Variants in TTC32 observed in about 807,000 individuals in gnomAD.
TTC32 encodes the protein tetratricopeptide repeat domain 32, also known as tetratricopeptide repeat protein 32.
TTC32 carries 16 observed loss-of-function variants against 15.3 expected under a neutral mutation model. That is an observed-to-expected ratio of 1.05 (90% CI 0.71 to 1.59). The LOEUF (loss-of-function observed/expected upper bound fraction) is 1.59, where lower values mean the gene tolerates loss of function less well. Among genes scored for constraint, TTC32 ranks in the 40% most tolerant of loss-of-function variants. The pLI is 0.00. For missense variants in TTC32, 188 were observed against 181.9 expected (o/e 1.03, Z -0.19); for synonymous variants, 89 against 67.8 (o/e 1.31, Z -1.53).
chr2:19,897,201 G>T, intron 2 of TTC32, 75 bp from the exon 3 acceptor site: 3 of 1,451,264 alleles, frequency 2.1e-6, no homozygotes, highest in Non-Finnish European at 2.8e-6. Context: ...GAAAAGCTTT[G>T]ATACATGTAC....
rs530978743 is a variant in TTC32 at position 19,897,199 on chromosome 2, T to C, written c.317-73A>G. On this transcript the variant is annotated intron_variant, in intron 2 of 2. Coordinates refer to ENST00000333610, the MANE Select transcript of TTC32 (RefSeq NM_001008237.3). ...TCTATATATTATTCATGGAAAAGCT[T>C]TGATACATGTACTTTTGCTTTTATA... 5 of 1,458,346 alleles carry C rather than the reference T, an allele frequency of 3.4e-6. No homozygotes were observed. The East Asian group carries it at 9.7e-5, about 28-fold the overall frequency. 90.3% of individuals were successfully genotyped at this position (1,458,346 alleles called of 1,614,324 possible).
In TTC32 at chr2:19,897,958, T is replaced by G; in HGVS notation, c.227A>C (p.Glu76Ala). Residue 76 changes from glutamate (E) to alanine (A), a missense_variant, in exon 2 of 3, where the codon GAA (glutamate) becomes GCA (alanine). Transcript: ENST00000333610. ...QIKYFRVDFY[E>A]AMDDYTSAIE... ...GGCAGATGTGTAGTCATCCATGGCTTCATAAAAATCAACCCTGAAGTACTT... is the reference window on the plus strand; with the variant it reads ...GGCAGATGTGTAGTCATCCATGGCTGCATAAAAATCAACCCTGAAGTACTT... 2 of 1,612,428 alleles carry G rather than the reference T, an allele frequency of 1.2e-6. No homozygotes were observed. Among genetic ancestry groups the G allele is most frequent in the Middle Eastern group, 3.3e-4 (2 of 6,052 alleles).
chr2:19,896,835 C>A lies in TTC32; in HGVS notation c.*152G>T. 1.8e-6 allele frequency: 1 copy of A among 548,564 alleles called. No individual in the cohort carries two copies. Among genetic ancestry groups the A allele is most frequent in the Non-Finnish European group, 2.8e-6 (1 of 361,938 alleles). The allele number at this position is 548,564 out of a possible 1,614,324, so 34.0% of individuals were successfully genotyped here. A position where few individuals can be genotyped will look rare whatever the true frequency, so the allele number is the denominator to read the frequency against. On this transcript the variant is annotated 3_prime_UTR_variant, in exon 3 of 3. Coordinates refer to ENST00000333610, the MANE Select transcript of TTC32 (RefSeq NM_001008237.3). ...CTTCATTAAAAAAAACCCATTCAACCTGAAATTAACTACCTTAAACACACT... is the reference window on the plus strand; with the variant it reads ...CTTCATTAAAAAAAACCCATTCAACATGAAATTAACTACCTTAAACACACT...
At chr2:19,901,623 C>G (rs1669605605) in intron 1 of TTC32, 83 bp downstream of exon 1, 1 of 1,526,254 alleles carries the variant, frequency 6.6e-7, no homozygotes, top group East Asian at 2.3e-5. Flanking sequence ...ACCGTGAGCT[C>G]CAGAGGCAAA....
Position 19,896,816 on chromosome 2 carries a change from T to TA in TTC32, c.*170dup, listed in dbSNP as rs566103768. On this transcript the variant is annotated 3_prime_UTR_variant, in exon 3 of 3. Coordinates refer to ENST00000333610, the MANE Select transcript of TTC32 (RefSeq NM_001008237.3). ...TACATTGGTATTATTTACACTTCAT[T>TA]AAAAAAAACCCATTCAACCTGAAAT... 263 of 378,204 alleles carry TA rather than the reference T, an allele frequency of 7.0e-4. No homozygotes were observed. Among genetic ancestry groups the TA allele is most frequent in the Non-Finnish European group, 9.1e-4 (201 of 219,832 alleles). The allele number at this position is 378,204 out of a possible 1,614,324, so 23.4% of individuals were successfully genotyped here.
At chr2:19,899,170 C>T (rs890890951) in intron 1 of TTC32, among the ~76,000 whole-genome samples, 12 of 152,140 alleles carry the variant, frequency 7.9e-5, no homozygotes, top group Admixed American at 2.6e-4. Context: ...GAGGAACTGT[C>T]GCAATTTTAG....
intron 1 of TTC32, among the ~76,000 whole-genome samples, chr2:19,900,725 G>T (rs113279194): frequency 6.6e-6 from 1 of 152,178 alleles, no homozygotes; most frequent in Non-Finnish European, 1.5e-5. Context: ...TCAGCGAATC[G>T]TTATGTGCTT....
intron 1 of TTC32, 88 bp downstream of exon 1, chr2:19,901,618 G>A: frequency 2.0e-6 from 3 of 1,507,640 alleles, no homozygotes; most frequent in Non-Finnish European, 2.7e-6. Flanking sequence ...CGCCGACCGT[G>A]AGCTCCAGAG....
intron 1 of TTC32, among the ~76,000 whole-genome samples, chr2:19,900,095 T>C (rs185673890): frequency 1.3e-5 from 2 of 152,356 alleles, no homozygotes; most frequent in East Asian, 3.9e-4. Context: ...TTTCCTGTGC[T>C]GGTAAGGCAT....
intron 1 of TTC32, chr2:19,901,353 C>T (rs549577189): frequency 3.7e-5 from 12 of 325,016 alleles, no homozygotes; most frequent in African/African-American, 2.2e-4. Flanking sequence ...GTGGAAAATT[C>T]CTATCTGTCC....
chr2:19,896,848 C>A lies in TTC32; in HGVS notation c.*139G>T. On this transcript the variant is annotated 3_prime_UTR_variant, in exon 3 of 3. Coordinates refer to ENST00000333610, the MANE Select transcript of TTC32 (RefSeq NM_001008237.3). ...AACCCATTCAACCTGAAATTAACTA[C>A]CTTAAACACACTATTTAACTTTCAG... The A allele has an allele frequency of 1.3e-6, 1 of 755,758 alleles. No individual in the cohort carries two copies. Among genetic ancestry groups the A allele is most frequent in the Non-Finnish European group, 1.9e-6 (1 of 521,276 alleles). 46.8% of individuals were successfully genotyped at this position (755,758 alleles called of 1,614,324 possible). A position where few individuals can be genotyped will look rare whatever the true frequency, so the allele number is the denominator to read the frequency against.
chr2:19,896,730 G>T lies in TTC32; in HGVS notation c.*257C>A. ...ATAAAAAAATCACAAAAATAGTTTT[G>T]CTGAAGAAAATACCACACATTCCTT... On this transcript the variant is annotated 3_prime_UTR_variant, in exon 3 of 3. Coordinates refer to ENST00000333610, the MANE Select transcript of TTC32 (RefSeq NM_001008237.3). The T allele has an allele frequency of 1.2e-5, 2 of 163,386 alleles. No homozygotes were observed. Among genetic ancestry groups the T allele is most frequent in the African/African-American group, 2.4e-5 (1 of 41,800 alleles). 10.1% of individuals were successfully genotyped at this position (163,386 alleles called of 1,614,324 possible).
chr2:19,899,056 A>G (rs1347354120), intron 1 of TTC32, among the ~76,000 whole-genome samples: 3 of 152,356 alleles, frequency 2.0e-5, no homozygotes, highest in East Asian at 1.9e-4. Context: ...ACTTCTCTTA[A>G]TATCTTGATC....
Position 19,897,868 on chromosome 2 carries a change from C to A in TTC32, c.316+1G>T, listed in dbSNP as rs139378007. 4.8e-5 allele frequency: 72 copies of A among 1,504,502 alleles called. No individual in the cohort carries two copies. The highest frequency in any genetic ancestry group is 7.0e-5 in the African/African-American group (5 of 71,428). 93.2% of individuals were successfully genotyped at this position (1,504,502 alleles called of 1,614,324 possible). A position where few individuals can be genotyped will look rare whatever the true frequency, so the allele number is the denominator to read the frequency against. ...AACTCAAAAAGAAAAAAAATTCTTA[C>A]CCAGCCTATACAGTATCAACCCTCT... On this transcript the variant is annotated splice_donor_variant, in intron 2 of 2. Transcript: ENST00000333610. LOFTEE classifies it high-confidence loss of function.
intron 1 of TTC32, chr2:19,898,551 G>C (rs950949654): frequency 5.9e-5 from 9 of 152,208 alleles, no homozygotes; most frequent in African/African-American, 2.2e-4. Context: ...AACATGCTAC[G>C]ATCCCCAGGA....
Position 19,901,726 on chromosome 2 carries a change from G to C in TTC32, c.129C>G (p.Ser43=), listed in dbSNP as rs2304589. 1 of 1,613,222 alleles carries C rather than the reference G, an allele frequency of 6.2e-7. No individual in the cohort carries two copies. Among genetic ancestry groups the C allele is most frequent in the Non-Finnish European group, 8.5e-7 (1 of 1,179,430 alleles). ...AYIRRCACAA[S]SDESPGSKCS... ...GTTACCTCCCGGGACTCTCGTCGCT[G>C]GAGGCCGCGCAAGCGCACCGGCGAA... Residue 43 remains serine, a synonymous_variant, in exon 1 of 3, where the codon TCC becomes TCG. Coordinates refer to ENST00000333610, the MANE Select transcript of TTC32 (RefSeq NM_001008237.3).
Position 19,901,944 on chromosome 2 carries a change from A to G in TTC32, c.-90T>C. 1.3e-6 allele frequency: 2 copies of G among 1,508,286 alleles called. No individual in the cohort carries two copies. Among genetic ancestry groups the G allele is most frequent in the Non-Finnish European group, 1.8e-6 (2 of 1,103,952 alleles). The allele number at this position is 1,508,286 out of a possible 1,614,324, so 93.4% of individuals were successfully genotyped here. Reference sequence around the variant, plus strand: ...CACAAAGCCACTTCCACACCCTGGAATCTACCTTGACAGCCAACCTTGGCG... The same window carrying G: ...CACAAAGCCACTTCCACACCCTGGAGTCTACCTTGACAGCCAACCTTGGCG... On this transcript the variant is annotated 5_prime_UTR_variant, in exon 1 of 3. Transcript: ENST00000333610.
chr2:19,901,841 C>T lies in TTC32; in HGVS notation c.14G>A (p.Arg5Gln), dbSNP rs1264471206. 1.2e-6 allele frequency: 2 copies of T among 1,614,092 alleles called. No individual in the cohort carries two copies. Among genetic ancestry groups the T allele is most frequent in the Admixed American group, 3.3e-5 (2 of 60,028 alleles). ...TGTTAGGGTTGCGTGGCTTTCTTGC[C>T]GCTGTCCTTCCATAGCAGCCAAGGC... MEGQ[R>Q]QESHATLTLA... Residue 5 changes from arginine to glutamine, a missense_variant, in exon 1 of 3, where the codon CGG becomes CAG. Arg to Gln is a conservative substitution (Grantham distance 43, BLOSUM62 1). Coordinates refer to ENST00000333610, the MANE Select transcript of TTC32 (RefSeq NM_001008237.3).
rs763962709 is a variant in TTC32 at position 19,897,997 on chromosome 2, T to C, written c.188A>G (p.Asn63Ser). Residue 63 changes from asparagine to serine, a missense_variant, in exon 2 of 3, where the codon AAC becomes AGC. Coordinates refer to ENST00000333610, the MANE Select transcript of TTC32 (RefSeq NM_001008237.3). ...SPEDLATAYN[N>S]RGQIKYFRVD... Reference sequence around the variant, plus strand: ...CCTGAAGTACTTGATTTGCCCCCTGTTGTTATATGCAGTAGCCAAATCCTC... The same window carrying C: ...CCTGAAGTACTTGATTTGCCCCCTGCTGTTATATGCAGTAGCCAAATCCTC... 9.2e-5 allele frequency: 148 copies of C among 1,606,708 alleles called. 1 individual carries two copies. The highest frequency in any genetic ancestry group is 4.2e-5 in the Non-Finnish European group (49 of 1,174,706).
Sources: gnomAD v4.1 joint callset for allele counts (sites outside exome capture counted in the v4.1 genomes callset) on GRCh38, gnomAD v4.1.1 for gene constraint, MANE v1.5 for transcripts, NCBI Gene and HGNC (gene_info 2026-07-23, HGNC 2026-07-21) for gene names.